ZBTB20: variants seen among roughly 807,000 people sequenced by gnomAD.
The protein encoded by ZBTB20 is zinc finger and BTB domain containing 20.
ZBTB20 carries 9 observed loss-of-function variants against 56.9 expected under a neutral mutation model. The observed-to-expected ratio is 0.16, with a 90% CI of 0.10 to 0.28. ZBTB20 has a LOEUF of 0.28. Ranked by LOEUF, ZBTB20 falls within the 10% of genes least tolerant of loss-of-function variation. The probability of loss-of-function intolerance (pLI) is 1.00; values close to 1 mark genes in which losing one functional copy is unlikely to be tolerated. For synonymous variants in ZBTB20, 417 were observed against 420.7 expected (o/e 0.99, Z 0.11); for missense variants, 655 against 1,003.0 (o/e 0.65, Z 4.69).
At chr3:115,061,449 G>A (rs979641474) in intron 2 of ZBTB20, among the ~76,000 whole-genome samples, 2 of 152,072 alleles carry the variant, frequency 1.3e-5, no homozygotes, top group Non-Finnish European at 2.9e-5. Flanking sequence ...ACCAAACTCT[G>A]TGGACTTAGA....
At chr3:114,957,991 T>C (rs2077307304) in intron 3 of ZBTB20, among the ~76,000 whole-genome samples, 1 of 152,194 alleles carries the variant, frequency 6.6e-6, no homozygotes, top group Non-Finnish European at 1.5e-5. Flanking sequence ...CATACATTGC[T>C]ATTAATGGAA....
At chr3:114,561,335 T>C (rs975477152) in intron 6 of ZBTB20, among the ~76,000 whole-genome samples, 1 of 152,216 alleles carries the variant, frequency 6.6e-6, no homozygotes, top group Non-Finnish European at 1.5e-5. Flanking sequence ...TGGTGGATAC[T>C]TTCCAGAAGG....
At chr3:114,638,497 A>T (rs1228655251) in intron 6 of ZBTB20, among the ~76,000 whole-genome samples, 1 of 152,124 alleles carries the variant, frequency 6.6e-6, no homozygotes, top group Non-Finnish European at 1.5e-5. Flanking sequence ...ATTTCTAACC[A>T]AAGTAATAAT....
intron 6 of ZBTB20, among the ~76,000 whole-genome samples, chr3:114,619,525 C>T (rs2058172368): frequency 6.6e-6 from 1 of 151,438 alleles, no homozygotes; most frequent in Non-Finnish European, 1.5e-5. Context: ...TTATTAGGGT[C>T]AGTTTGTAGT....
chr3:114,406,596 A>C (rs541423669), intron 7 of ZBTB20, among the ~76,000 whole-genome samples: 42 of 152,194 alleles, frequency 2.8e-4, no homozygotes, highest in African/African-American at 9.6e-4. Flanking sequence ...TATATAACTA[A>C]GATCAATGAA....
chr3:114,663,855 T>A (rs895709854), intron 6 of ZBTB20, among the ~76,000 whole-genome samples: 1 of 151,144 alleles, frequency 6.6e-6, no homozygotes, highest in African/African-American at 2.4e-5. Flanking sequence ...TAAATATATA[T>A]GCACCCAATA....
intron 6 of ZBTB20, among the ~76,000 whole-genome samples, chr3:114,564,932 A>G (rs1272965081): frequency 1.3e-5 from 2 of 152,150 alleles, no homozygotes; most frequent in African/African-American, 4.8e-5. Flanking sequence ...AGTTAACTCA[A>G]ATGTCTTCCT....
intron 6 of ZBTB20, chr3:114,528,821 A>T (rs2047518706): frequency 6.6e-6 from 1 of 151,772 alleles, no homozygotes; most frequent in African/African-American, 2.4e-5. Context: ...CGTATTGCAG[A>T]TTTTTTTTTC....
At chr3:114,803,190 C>T (rs1197493359) in intron 4 of ZBTB20, among the ~76,000 whole-genome samples, 1 of 150,178 alleles carries the variant, frequency 6.7e-6, no homozygotes, top group African/African-American at 2.5e-5. Context: ...ATCTTGTATC[C>T]TGTTGAGGGA....
intron 3 of ZBTB20, among the ~76,000 whole-genome samples, chr3:114,959,731 A>T (rs553557894): frequency 4.6e-5 from 7 of 150,810 alleles, no homozygotes; most frequent in African/African-American, 1.7e-4. Context: ...ACACACACAC[A>T]CACACACACA....
At chr3:115,053,733 G>A (rs2081641586) in intron 2 of ZBTB20, among the ~76,000 whole-genome samples, 1 of 151,932 alleles carries the variant, frequency 6.6e-6, no homozygotes, top group Admixed American at 6.6e-5. Flanking sequence ...TTTGTTCTCT[G>A]CTTATATTAT....
Position 114,990,176 on chromosome 3 carries a change from G to A in ZBTB20, c.-506-15760C>T, listed in dbSNP as rs1044120685. On this transcript the variant is annotated intron_variant, in intron 2 of 11. Coordinates refer to ENST00000675478, the MANE Select transcript of ZBTB20 (RefSeq NM_001348800.3). ...TGGTGAGAGAGGGCATCCCTGTCTT[G>A]TGCCCGTTTTCAAAGGGAATGCTTC... 2.6e-5 allele frequency among the ~76,000 whole-genome samples: 4 copies of A among 152,110 alleles called. No homozygotes were observed. In the East Asian group the frequency reaches 7.7e-4, roughly 29 times the overall value.
At chr3:114,646,441 G>C (rs2059841841) in intron 6 of ZBTB20, among the ~76,000 whole-genome samples, 1 of 152,132 alleles carries the variant, frequency 6.6e-6, no homozygotes, top group South Asian at 2.1e-4. Context: ...AGGAAAAATG[G>C]AGCAGCAGTG....
chr3:114,518,260 T>C (rs1043255317), intron 6 of ZBTB20, among the ~76,000 whole-genome samples: 2 of 151,964 alleles, frequency 1.3e-5, no homozygotes, highest in African/African-American at 4.8e-5. Context: ...TCTTCAAATA[T>C]ACTAAGAACA....
chr3:114,950,869 C>T (rs555194830), intron 3 of ZBTB20, among the ~76,000 whole-genome samples: 12 of 152,074 alleles, frequency 7.9e-5, no homozygotes, highest in Non-Finnish European at 1.0e-4. Context: ...TTAAAATCTG[C>T]AAGCACATGT....
At chr3:114,927,370 C>T (rs550769061) in intron 3 of ZBTB20, among the ~76,000 whole-genome samples, 70 of 152,312 alleles carry the variant, frequency 4.6e-4, no homozygotes, top group African/African-American at 1.6e-3. Flanking sequence ...TATGCTCCGA[C>T]TGTCTTGGGC....
intron 2 of ZBTB20, among the ~76,000 whole-genome samples, chr3:115,066,422 G>C (rs943088191): frequency 6.6e-6 from 1 of 151,922 alleles, no homozygotes. Context: ...AAAATCCCTT[G>C]AATCCATTCC....
chr3:114,789,653 A>C lies in ZBTB20; in HGVS notation c.-343+11448T>G, dbSNP rs567114382. Among the ~76,000 whole-genome samples, 3 of 152,134 alleles carry C rather than the reference A, an allele frequency of 2.0e-5. No homozygotes were observed. In the South Asian group the frequency reaches 6.2e-4, roughly 32 times the overall value. On this transcript the variant is annotated intron_variant, in intron 5 of 11. Coordinates refer to ENST00000675478, the MANE Select transcript of ZBTB20 (RefSeq NM_001348800.3). ...AATTTAGAATTATAAATAGCAAAAGATCCACTCAAGCTAGAAAAGATTAAG... is the reference window on the plus strand; with the variant it reads ...AATTTAGAATTATAAATAGCAAAAGCTCCACTCAAGCTAGAAAAGATTAAG...
intron 5 of ZBTB20, among the ~76,000 whole-genome samples, chr3:114,727,143 A>G (rs1243111887): frequency 6.6e-6 from 1 of 152,062 alleles, no homozygotes; most frequent in African/African-American, 2.4e-5. Context: ...TAATCCCTCT[A>G]TTGGGTTCAG....
Sources: gnomAD v4.1 joint callset for allele counts (sites outside exome capture counted in the v4.1 genomes callset) on GRCh38, gnomAD v4.1.1 for gene constraint, MANE v1.5 for transcripts, NCBI Gene and HGNC (gene_info 2026-07-23, HGNC 2026-07-21) for gene names.